The following LDHAL6A variants were observed in gnomAD, a reference collection of about 807,000 sequenced individuals.
LDHAL6A encodes lactate dehydrogenase A like 6A.
LDHAL6A carries 19 observed loss-of-function variants against 28.2 expected under a neutral mutation model. The observed-to-expected ratio is 0.67, with a 90% CI of 0.47 to 0.99. The LOEUF (loss-of-function observed/expected upper bound fraction) is 0.99, where lower values mean the gene tolerates loss of function less well. Among genes scored for constraint, LDHAL6A ranks in the 50% least tolerant of loss-of-function variants. LDHAL6A has a pLI of 0.00. For missense variants in LDHAL6A, 372 were observed against 398.6 expected (o/e 0.93, Z 0.57); for synonymous variants, 144 against 134.4 (o/e 1.07, Z -0.49).
chr11:18,471,540 T>A (rs1210092967), intron 3 of LDHAL6A, among the ~76,000 whole-genome samples: 1 of 151,956 alleles, frequency 6.6e-6, no homozygotes, highest in African/African-American at 2.4e-5. Flanking sequence ...AAAAACACAC[T>A]GTTGACATTA....
chr11:18,475,414 A>T (rs1849347542), intron 3 of LDHAL6A, 52 bp from the exon 4 acceptor site: 1 of 1,411,372 alleles, frequency 7.1e-7, no homozygotes, highest in Admixed American at 2.0e-5. Context: ...AAATCTAAAA[A>T]ACATATCCTT....
chr11:18,463,863 C>T (rs943877679), intron 1 of LDHAL6A, 98 bp from the exon 2 acceptor site: 5 of 730,694 alleles, frequency 6.8e-6, no homozygotes, highest in Non-Finnish European at 1.2e-5. Context: ...TTTGATAATT[C>T]ACAAGCTAGA....
chr11:18,465,163 C>T (rs549242423), intron 2 of LDHAL6A, among the ~76,000 whole-genome samples: 24 of 151,794 alleles, frequency 1.6e-4, no homozygotes, highest in Non-Finnish European at 2.2e-4. Context: ...AACGGAGTCT[C>T]GCTCTGTCAC....
chr11:18,469,955 GTCTC>G (rs760774735), intron 3 of LDHAL6A, among the ~76,000 whole-genome samples: 2 of 151,164 alleles, frequency 1.3e-5, no homozygotes, highest in East Asian at 3.9e-4. Flanking sequence ...TTGAGACAGA[GTCTC>G]TGTCTGTCAC....
intron 3 of LDHAL6A, among the ~76,000 whole-genome samples, chr11:18,471,808 C>G (rs1023205441): frequency 6.8e-6 from 1 of 147,140 alleles, no homozygotes; most frequent in African/African-American, 2.5e-5. Flanking sequence ...CAAAAATCTA[C>G]CCAGAATGGC....
chr11:18,459,355 GC>G (rs1254696119), intron 1 of LDHAL6A, among the ~76,000 whole-genome samples: 2 of 148,134 alleles, frequency 1.4e-5, no homozygotes, highest in African/African-American at 5.0e-5. Context: ...AAGTTCTTCA[GC>G]TTTTGAACTC....
At position 18,476,244 on chromosome 11, in the gene LDHAL6A, A is replaced by G. The variant is rs962304120; in HGVS notation, c.593-140A>G. ...CCATCTGTGGAGATCTAGATTTAGAATATCTGGAGTGGGGCTCAGATATCG... is the reference window on the plus strand; with the variant it reads ...CCATCTGTGGAGATCTAGATTTAGAGTATCTGGAGTGGGGCTCAGATATCG... On this transcript the variant is annotated intron_variant, in intron 4 of 6. Transcript: ENST00000280706. The G allele has an allele frequency of 8.0e-6, 7 of 872,692 alleles. No individual in the cohort carries two copies. In the African/African-American group the frequency reaches 8.6e-5, roughly 11 times the overall value. The allele number at this position is 872,692 out of a possible 1,614,324, so 54.1% of individuals were successfully genotyped here.
chr11:18,464,977 G>GTTTGTTTGTT (rs1849013732), intron 2 of LDHAL6A, among the ~76,000 whole-genome samples: 1 of 125,490 alleles, frequency 8.0e-6, no homozygotes, highest in African/African-American at 3.4e-5. Context: ...TGTTTTTTTT[G>GTTTGTTTGTT]TTTTTTTTTG....
rs866663132 is a variant in LDHAL6A, at chr11:18,467,957, G to A, written c.418+2147G>A. Among the ~76,000 whole-genome samples the A allele has an allele frequency of 3.8e-3, 131 of 34,128 alleles. 2 individuals are homozygous for A. Among genetic ancestry groups the A allele is most frequent in the Middle Eastern group, 0.026 (1 of 38 alleles). The allele number at this position is 34,128 out of a possible 152,430, so 22.4% of individuals were successfully genotyped here. Reference sequence around the variant, plus strand: ...TATATACACACACATATATATATACGTATATATATACGTATATATATACGT... The same window carrying A: ...TATATACACACACATATATATATACATATATATATACGTATATATATACGT... On this transcript the variant is annotated intron_variant, in intron 3 of 6. Transcript: ENST00000280706.
chr11:18,479,360 G>T lies in LDHAL6A; in HGVS notation c.*490G>T, dbSNP rs1849481515. 6.8e-6 allele frequency: 1 copy of T among 146,898 alleles called. No homozygotes were observed. The highest frequency in any genetic ancestry group is 2.1e-4 in the South Asian group (1 of 4,658). The allele number at this position is 146,898 out of a possible 1,614,324, so 9.1% of individuals were successfully genotyped here. On this transcript the variant is annotated 3_prime_UTR_variant, in exon 7 of 7. Coordinates refer to ENST00000280706, the MANE Select transcript of LDHAL6A (RefSeq NM_144972.5). ...AGTGACGGCATCAAAGATGTTTTTG[G>T]TACTTCTCAGTACTTGCCTTGTATG... is the stretch of plus-strand genomic sequence containing the variant.
At position 18,456,649 on chromosome 11, in the gene LDHAL6A, G is replaced by A. The variant is rs778842369; in HGVS notation, c.-32G>A. On this transcript the variant is annotated 5_prime_UTR_variant, in exon 1 of 7. The change creates a new upstream start codon in the 5' untranslated region. Transcript: ENST00000280706. ...CCAATTCCAGGTCTTGGAAATGGCT[G>A]TGCAATTTGTCTTCACTGTTAGGTT... 1.2e-6 allele frequency: 2 copies of A among 1,609,572 alleles called. No individual in the cohort carries two copies. Among genetic ancestry groups the A allele is most frequent in the African/African-American group, 1.3e-5 (1 of 74,778 alleles).
At chr11:18,476,629 T>C in intron 5 of LDHAL6A, 128 bp downstream of exon 5, 1 of 1,449,230 alleles carries the variant, frequency 6.9e-7, no homozygotes. Flanking sequence ...CTTCTGCTTT[T>C]CTGTGTGATC....
At position 18,463,951 on chromosome 11, in the gene LDHAL6A, T is replaced by C; in HGVS notation, c.127-10T>C. The C allele has an allele frequency of 6.3e-7, 1 of 1,586,878 alleles. No individual in the cohort carries two copies. Among genetic ancestry groups the C allele is most frequent in the Non-Finnish European group, 8.7e-7 (1 of 1,155,712 alleles). ...ACACTCACACCCATTGGACTAACAA[T>C]GTTTTTCAGGGTTTGAGTGATGAAC... On this transcript the variant is annotated splice_polypyrimidine_tract_variant and intron_variant, in intron 1 of 6. Transcript: ENST00000280706.
chr11:18,477,227 G>A (rs1442602121), intron 5 of LDHAL6A, among the ~76,000 whole-genome samples: 1 of 150,886 alleles, frequency 6.6e-6, no homozygotes, highest in Non-Finnish European at 1.5e-5. Flanking sequence ...GGGAGACCAG[G>A]GTAGGTGGAT....
At chr11:18,465,150 G>T (rs1849031334) in intron 2 of LDHAL6A, among the ~76,000 whole-genome samples, 1 of 151,532 alleles carries the variant, frequency 6.6e-6, no homozygotes, top group African/African-American at 2.4e-5. Flanking sequence ...TTTTGTTTTT[G>T]GAAACGGAGT....
rs1565063418 is a variant in LDHAL6A, at chr11:18,455,873, TGCCAAGCATCACACC to T, written c.-807_-793del. The T allele has an allele frequency of 3.2e-4, 1 of 3,102 alleles. No homozygotes were observed. The highest frequency in any genetic ancestry group is 6.5e-4 in the Non-Finnish European group (1 of 1,528). The allele number at this position is 3,102 out of a possible 1,614,324, so 0.2% of individuals were successfully genotyped here. On this transcript the variant is annotated 5_prime_UTR_variant, in exon 1 of 7. Coordinates refer to ENST00000280706, the MANE Select transcript of LDHAL6A (RefSeq NM_144972.5). Reference sequence around the variant, plus strand: ...CGCAGCCCGCTTCCGGCCTCACACCTGCCAAGCATCACACCTGCCAAGCATCACACCTGCCAAGCA... The same window carrying T: ...CGCAGCCCGCTTCCGGCCTCACACCTTGCCAAGCATCACACCTGCCAAGCA...
intron 3 of LDHAL6A, among the ~76,000 whole-genome samples, chr11:18,467,898 T>TATATATATATATATATACACACAC (rs1565070830): frequency 1.5e-5 from 1 of 68,222 alleles, no homozygotes; most frequent in African/African-American, 8.5e-5. Flanking sequence ...TATATATATA[T>TATATATATATATATATACACACAC]ATATATATAT....
At chr11:18,473,054 A>G (rs891317852) in intron 3 of LDHAL6A, among the ~76,000 whole-genome samples, 6 of 152,040 alleles carry the variant, frequency 3.9e-5, no homozygotes, top group Admixed American at 3.9e-4. Flanking sequence ...ACACTTAAAA[A>G]AAAAACCCAA....
At chr11:18,465,959 G>A in intron 3 of LDHAL6A, 149 bp downstream of exon 3, 3 of 571,840 alleles carry the variant, frequency 5.2e-6, no homozygotes, top group South Asian at 2.6e-5. Context: ...TAGTTTTTCA[G>A]CCCTTGCTGC....
Sources: allele counts gnomAD v4.1 joint callset (sites outside exome capture counted in the v4.1 genomes callset), GRCh38; gene constraint gnomAD v4.1.1; transcripts MANE v1.5; gene names NCBI Gene and HGNC (gene_info 2026-07-23, HGNC 2026-07-21).